SPHKAP: variants seen among roughly 807,000 people sequenced by gnomAD.
SPHKAP encodes the protein SPHK1 interactor, AKAP domain containing.
Under a neutral mutation model 137.5 loss-of-function variants are expected in SPHKAP, and 67 were observed. The observed-to-expected ratio is 0.49, with a 90% CI of 0.40 to 0.60. The LOEUF (loss-of-function observed/expected upper bound fraction) is 0.60. SPHKAP is among the 20% of genes least tolerant of loss of function. The pLI is 0.00. For synonymous variants in SPHKAP, 813 were observed against 785.3 expected, an observed-to-expected ratio of 1.04 and a Z score of -0.59; for missense variants, 2,097 against 2,069.3, an observed-to-expected ratio of 1.01 and a Z score of -0.26.
chr2:228,018,336 C>T lies in SPHKAP; in HGVS notation c.2518G>A (p.Gly840Arg). Reference sequence around the variant, plus strand: ...TGATGAGGGCTTTTTGTATCCTCTCCTGCTATTCCTTTCAGATATATTTCC... The same window carrying T: ...TGATGAGGGCTTTTTGTATCCTCTCTTGCTATTCCTTTCAGATATATTTCC... ...SKEIYLKGIA[G>R]EDTKSPHHSE... The change falls in exon 7 of 12, where the codon GGA (glycine) becomes AGA (arginine). Residue 840 changes from glycine (G) to arginine (R), a missense_variant. Transcript: ENST00000392056. The T allele has an allele frequency of 6.2e-7, 1 of 1,614,168 alleles. No individual in the cohort carries two copies. Among genetic ancestry groups the T allele is most frequent in the Non-Finnish European group, 8.5e-7 (1 of 1,180,022 alleles).
chr2:228,171,416 T>C (rs1700581458), intron 1 of SPHKAP, among the ~76,000 whole-genome samples: 2 of 152,140 alleles, frequency 1.3e-5, no homozygotes, highest in African/African-American at 4.8e-5. Context: ...TTTCCCAACA[T>C]AGAGAATAGC....
intron 3 of SPHKAP, among the ~76,000 whole-genome samples, chr2:228,052,859 T>C (rs1401031881): frequency 6.6e-6 from 1 of 152,172 alleles, no homozygotes; most frequent in African/African-American, 2.4e-5. Flanking sequence ...TTGAGGCCCC[T>C]GAGTGGTGCT....
chr2:228,005,899 C>T lies in SPHKAP; in HGVS notation c.4449-10205G>A, dbSNP rs565561826. On this transcript the variant is annotated intron_variant, in intron 7 of 11. Coordinates refer to ENST00000392056, the MANE Select transcript of SPHKAP (RefSeq NM_001142644.2). ...GGCCCCCACTCTGTAGAGTTTCTGCCTAGAGATCAGCTGTTAGTCTGATGG... is the reference window on the plus strand; with the variant it reads ...GGCCCCCACTCTGTAGAGTTTCTGCTTAGAGATCAGCTGTTAGTCTGATGG... Among the ~76,000 whole-genome samples the T allele has an allele frequency of 1.2e-4, 19 of 152,222 alleles. No homozygotes were observed. In the East Asian group the frequency reaches 2.7e-3, roughly 22 times the overall value.
intron 7 of SPHKAP, among the ~76,000 whole-genome samples, chr2:228,010,880 T>C (rs976838259): frequency 2.6e-5 from 4 of 152,224 alleles, no homozygotes; most frequent in Non-Finnish European, 5.9e-5. Flanking sequence ...AGAACTTCGA[T>C]AGGGCTAATT....
rs1693889609 is a variant in SPHKAP, at chr2:228,001,496, A to ATATATACGTATATATTC, written c.4449-5803_4449-5802insGAATATATACGTATATA. 2.8e-5 allele frequency among the ~76,000 whole-genome samples: 4 copies of ATATATACGTATATATTC among 144,302 alleles called. No individual in the cohort carries two copies. The Admixed American group carries it at 2.9e-4, about 10-fold the overall frequency. 94.7% of individuals were successfully genotyped at this position (144,302 alleles called of 152,430 possible). A position where few individuals can be genotyped will look rare whatever the true frequency, so the allele number is the denominator to read the frequency against. On this transcript the variant is annotated intron_variant, in intron 7 of 11. Transcript: ENST00000392056. Reference sequence around the variant, plus strand: ...ATAAAAATATATATACGTATATATAAGTATATATACGTATATATAAGAATA... The same window carrying ATATATACGTATATATTC: ...ATAAAAATATATATACGTATATATAATATATACGTATATATTCGTATATATACGTATATATAAGAATA...
intron 2 of SPHKAP, among the ~76,000 whole-genome samples, chr2:228,126,586 T>C (rs1699082392): frequency 6.6e-6 from 1 of 152,186 alleles, no homozygotes; most frequent in African/African-American, 2.4e-5. Flanking sequence ...GATGACCATA[T>C]AAGTTATTTT....
chr2:228,044,266 G>A (rs936950943), intron 3 of SPHKAP, among the ~76,000 whole-genome samples: 1 of 152,214 alleles, frequency 6.6e-6, no homozygotes, highest in Non-Finnish European at 1.5e-5. Flanking sequence ...GGCACAACTT[G>A]AGTGACTCTA....
intron 2 of SPHKAP, among the ~76,000 whole-genome samples, chr2:228,112,388 T>C (rs1698546932): frequency 6.6e-6 from 1 of 151,942 alleles, no homozygotes; most frequent in Non-Finnish European, 1.5e-5. Flanking sequence ...CAAAATTATA[T>C]CCTGCACCTT....
chr2:228,067,556 G>A (rs1437127857), intron 3 of SPHKAP, among the ~76,000 whole-genome samples: 3 of 152,102 alleles, frequency 2.0e-5, no homozygotes, highest in Non-Finnish European at 4.4e-5. Flanking sequence ...TATAACTAGG[G>A]GCCTCTGGTT....
intron 11 of SPHKAP, among the ~76,000 whole-genome samples, chr2:227,990,537 G>A (rs2106160146): frequency 6.6e-6 from 1 of 152,178 alleles, no homozygotes; most frequent in South Asian, 2.1e-4. Flanking sequence ...ATTTCTGGTA[G>A]GTGGAGAATA....
In SPHKAP at chr2:228,016,585, C is replaced by G. The variant is rs144013612; in HGVS notation, c.4269G>C (p.Ser1423=). The part of the protein sequence containing the change: ...PINHKRRSLC[S]REVPLIQIET... ...CAATCTGAATCAAAGGCACTTCCCT[C>G]GAGCAAAGTGATCGCCTTTTGTGGT... is the stretch of plus-strand genomic sequence containing the variant. Residue 1423 remains serine (S), a synonymous_variant, in exon 7 of 12, where the codon TCG becomes TCC. Transcript: ENST00000392056. The G allele has an allele frequency of 1.2e-6, 2 of 1,614,070 alleles. No individual in the cohort carries two copies. The highest frequency in any genetic ancestry group is 1.7e-6 in the Non-Finnish European group (2 of 1,180,014).
At chr2:228,028,170 T>G (rs1176950388) in intron 3 of SPHKAP, 1 of 513,980 alleles carries the variant, frequency 1.9e-6, no homozygotes, top group Admixed American at 6.4e-5. Flanking sequence ...TGTTATCAGA[T>G]CTCATGAAAT....
At position 228,019,261 on chromosome 2, in the gene SPHKAP, C is replaced by G; in HGVS notation, c.1593G>C (p.Gly531=). Residue 531 remains glycine, a synonymous_variant, in exon 7 of 12, where the codon GGG becomes GGC. Coordinates refer to ENST00000392056, the MANE Select transcript of SPHKAP (RefSeq NM_001142644.2). The part of the protein sequence containing the change: ...MEQVVSNFPP[G]SSGALQTQAP... The stretch of plus-strand genomic sequence containing the variant: ...CTTGAGTTTGCAGTGCACCACTGCT[C>G]CCTGGGGGAAAGTTCGAGACCACTT... The G allele has an allele frequency of 6.2e-7, 1 of 1,613,920 alleles. No individual in the cohort carries two copies. The highest frequency in any genetic ancestry group is 1.7e-5 in the Admixed American group (1 of 60,026).
In SPHKAP at chr2:228,018,095, T is replaced by C; in HGVS notation, c.2759A>G (p.His920Arg). The C allele has an allele frequency of 1.2e-6, 2 of 1,614,196 alleles. No individual in the cohort carries two copies. Among genetic ancestry groups the C allele is most frequent in the South Asian group, 1.1e-5 (1 of 91,080 alleles). ...LPAQSTLQTKHPDIYCITDFA... is the reference protein window; with the variant it reads ...LPAQSTLQTKRPDIYCITDFA... ...GTCTGTAATGCAGTAGATGTCTGGA[T>C]GCTTTGTTTGAAGCGTGGATTGAGC... is the stretch of plus-strand genomic sequence containing the variant. Residue 920 changes from histidine (H) to arginine (R), a missense_variant, in exon 7 of 12, where the codon CAT becomes CGT. Transcript: ENST00000392056.
intron 2 of SPHKAP, among the ~76,000 whole-genome samples, chr2:228,113,232 A>C (rs1698574349): frequency 6.6e-6 from 1 of 152,154 alleles, no homozygotes; most frequent in Non-Finnish European, 1.5e-5. Flanking sequence ...TCATTATTAA[A>C]TATTTATATT....
intron 7 of SPHKAP, among the ~76,000 whole-genome samples, chr2:227,998,485 C>G (rs1158631017): frequency 6.6e-6 from 1 of 152,058 alleles, no homozygotes; most frequent in East Asian, 1.9e-4. Context: ...CAAAAAGCAA[C>G]AGCATATTTT....
intron 3 of SPHKAP, among the ~76,000 whole-genome samples, chr2:228,057,877 C>T (rs3924767): frequency 0.29 from 43,765 of 151,814 alleles, 6,592 homozygotes; most frequent in East Asian, 0.41. Context: ...CCCCATCGGT[C>T]GGAAGCTCTT....
chr2:228,111,286 T>C (rs1437838711), intron 2 of SPHKAP, among the ~76,000 whole-genome samples: 1 of 152,136 alleles, frequency 6.6e-6, no homozygotes, highest in Non-Finnish European at 1.5e-5. Context: ...ACTTAAACCC[T>C]GAGGTTCAGT....
At chr2:228,006,978 CG>C (rs1219952846) in intron 7 of SPHKAP, among the ~76,000 whole-genome samples, 2 of 152,156 alleles carry the variant, frequency 1.3e-5, no homozygotes, top group Non-Finnish European at 2.9e-5. Flanking sequence ...ATAGGCTACT[CG>C]GGGGTCAGGG....
Sources: allele counts gnomAD v4.1 joint callset (sites outside exome capture counted in the v4.1 genomes callset), GRCh38; gene constraint gnomAD v4.1.1; transcripts MANE v1.5; gene names NCBI Gene and HGNC (gene_info 2026-07-23, HGNC 2026-07-21).